Variants in EGFL6 observed in about 807,000 individuals in gnomAD.
EGFL6 encodes epidermal growth factor-like protein 6.
Under a neutral mutation model 43.1 loss-of-function variants are expected in EGFL6, and 42 were observed. The ratio of observed to expected loss-of-function variants is 0.98; its 90% CI spans 0.76 to 1.26. The LOEUF (loss-of-function observed/expected upper bound fraction) is 1.26, where lower values mean the gene tolerates loss of function less well. EGFL6 is among the 50% of genes most tolerant of loss of function. The pLI, the probability that EGFL6 is intolerant of heterozygous loss-of-function variation, is 0.00. For missense variants in EGFL6, 429 were observed against 427.8 expected, an observed-to-expected ratio of 1.00 and a Z score of -0.02; for synonymous variants, 164 against 163.2, an observed-to-expected ratio of 1.01 and a Z score of -0.04.
At position 13,619,238 on chromosome X, in the gene EGFL6, A is replaced by T. The variant is rs770047447; in HGVS notation, c.1178A>T (p.His393Leu). Residue 393 changes from histidine to leucine, a missense_variant, in exon 9 of 12, where the codon CAT becomes CTT. Transcript: ENST00000361306. The stretch of plus-strand genomic sequence containing the variant: ...AAAGCGCTAACTTCCAAACTGGAAC[A>T]TAAAGGTAAATAATTCTTTCTCCCA... ...QRKALTSKLE[H>L]KDLNISVDCS... 8.3e-7 allele frequency: 1 copy of T among 1,203,058 alleles called. No homozygotes were observed. Among genetic ancestry groups the T allele is most frequent in the South Asian group, 1.8e-5 (1 of 56,748 alleles).
chrX:13,593,589 A>C (rs184425511), intron 2 of EGFL6, among the ~76,000 whole-genome samples: 205 of 111,818 alleles, frequency 1.8e-3, no homozygotes, highest in Non-Finnish European at 3.0e-3. Flanking sequence ...CTCCTGCATC[A>C]GTGAGGCACT....
chrX:13,581,561 G>A (rs748022359), intron 1 of EGFL6, among the ~76,000 whole-genome samples: 10 of 111,603 alleles, frequency 9.0e-5, no homozygotes, highest in South Asian at 3.7e-4. Context: ...TTTAAACATC[G>A]GCAAAAGAAG....
At chrX:13,627,358 G>A in intron 11 of EGFL6, 82 bp downstream of exon 11, 1 of 1,099,924 alleles carries the variant, frequency 9.1e-7, no homozygotes, top group South Asian at 2.1e-5. Flanking sequence ...ATTTACTGAA[G>A]TATGTAGGCA....
chrX:13,581,422 A>G (rs2045505216), intron 1 of EGFL6, among the ~76,000 whole-genome samples: 1 of 111,230 alleles, frequency 9.0e-6, no homozygotes, highest in African/African-American at 3.3e-5. Context: ...TGAACTTGCC[A>G]TACTGGGAGC....
intron 4 of EGFL6, among the ~76,000 whole-genome samples, chrX:13,602,921 G>A (rs1274610496): frequency 1.8e-5 from 2 of 112,217 alleles, no homozygotes; most frequent in Non-Finnish European, 3.8e-5. Flanking sequence ...GCTCTCCAGA[G>A]TAGATTCTTT....
At chrX:13,630,326 C>T (rs1217393581) in intron 11 of EGFL6, among the ~76,000 whole-genome samples, 1 of 111,609 alleles carries the variant, frequency 9.0e-6, no homozygotes, top group African/African-American at 3.3e-5. Flanking sequence ...GTGAAAAACA[C>T]AAAATTAGTA....
intron 11 of EGFL6, among the ~76,000 whole-genome samples, chrX:13,632,564 A>T (rs758281121): frequency 1.5e-4 from 16 of 110,237 alleles, no homozygotes; most frequent in South Asian, 1.2e-3. Context: ...TCGGCCTCCC[A>T]AAGTGCTGGG....
At chrX:13,601,217 C>T (rs2045632508) in intron 4 of EGFL6, among the ~76,000 whole-genome samples, 1 of 111,432 alleles carries the variant, frequency 9.0e-6, no homozygotes, top group Non-Finnish European at 1.9e-5. Flanking sequence ...TTCTTCCCAC[C>T]AGCTAACTTT....
intron 1 of EGFL6, among the ~76,000 whole-genome samples, chrX:13,579,038 G>GT (rs141592321): frequency 9.0e-6 from 1 of 111,417 alleles, no homozygotes; most frequent in Non-Finnish European, 1.9e-5. Flanking sequence ...GGGGCTTGGG[G>GT]TTTTTTTAAG....
rs1176634211 is a variant in EGFL6 at position 13,627,126 on chromosome X, T to C, written c.1401T>C (p.Asp467=). Residue 467 remains aspartate (D), a synonymous_variant, in exon 11 of 12, where the codon GAT becomes GAC. Transcript: ENST00000361306. ...QPQSNFCLLF[D]YRLAGDKVGK... ...AAAGCAACTTCTGTTTGCTCTTTGA[T>C]TACCGGCTGGCCGGAGACAAAGTCG... 3 of 1,210,698 alleles carry C rather than the reference T, an allele frequency of 2.5e-6. No homozygotes were observed. The highest frequency in any genetic ancestry group is 4.4e-5 in the Admixed American group (2 of 45,830).
At chrX:13,585,982 A>G (rs144182510) in intron 1 of EGFL6, among the ~76,000 whole-genome samples, 75 of 112,183 alleles carry the variant, frequency 6.7e-4, no homozygotes, top group African/African-American at 2.2e-3. Flanking sequence ...CTGTTTATCT[A>G]TGTGGAAGGG....
At chrX:13,616,748 A>G (rs2045720172) in intron 7 of EGFL6, among the ~76,000 whole-genome samples, 1 of 112,805 alleles carries the variant, frequency 8.9e-6, no homozygotes, top group African/African-American at 3.2e-5. Context: ...ACAAGACAAG[A>G]GTCCTGGACT....
rs774115029 is a variant in EGFL6, at chrX:13,569,943, TCTGA to T, written c.74+12_74+15del. 234 of 1,208,316 alleles carry T rather than the reference TCTGA, an allele frequency of 1.9e-4. No individual in the cohort carries two copies. The East Asian group carries it at 2.8e-3, about 15-fold the overall frequency. On this transcript the variant is annotated intron_variant, in intron 1 of 11. Transcript: ENST00000361306. ...TTTCGGGAACGCGGCCAGGTGAGTGTCTGACTGGCGATTGGCTTCCCCCCACCCC... is the reference window on the plus strand; with the variant it reads ...TTTCGGGAACGCGGCCAGGTGAGTGTCTGGCGATTGGCTTCCCCCCACCCC...
At chrX:13,631,815 T>A (rs1283610099) in intron 11 of EGFL6, among the ~76,000 whole-genome samples, 1 of 111,254 alleles carries the variant, frequency 9.0e-6, no homozygotes, top group Non-Finnish European at 1.9e-5. Flanking sequence ...TATAAATAAA[T>A]AAAACAAAAT....
chrX:13,605,529 A>G (rs1297367309), intron 5 of EGFL6, among the ~76,000 whole-genome samples: 1 of 106,282 alleles, frequency 9.4e-6, no homozygotes, highest in African/African-American at 3.4e-5. Flanking sequence ...GTAGTGAGCC[A>G]TGATTGTTCT....
At chrX:13,629,561 T>C (rs764602681) in intron 11 of EGFL6, among the ~76,000 whole-genome samples, 4 of 111,499 alleles carry the variant, frequency 3.6e-5, no homozygotes, top group Non-Finnish European at 7.5e-5. Context: ...AGGGGAAATC[T>C]TGATGGGGGG....
intron 5 of EGFL6, among the ~76,000 whole-genome samples, chrX:13,605,401 C>T (rs1204768607): frequency 9.3e-6 from 1 of 107,450 alleles, no homozygotes; most frequent in African/African-American, 3.4e-5. Flanking sequence ...AGGGAGACCC[C>T]ATTTCTACAA....
chrX:13,590,783 C>A (rs1375473506), intron 2 of EGFL6, among the ~76,000 whole-genome samples: 1 of 111,995 alleles, frequency 8.9e-6, no homozygotes, highest in Non-Finnish European at 1.9e-5. Flanking sequence ...GACAAGATGA[C>A]AAGAGCATAA....
At chrX:13,577,306 A>AAT in intron 1 of EGFL6, among the ~76,000 whole-genome samples, 1 of 10,976 alleles carries the variant, frequency 9.1e-5, no homozygotes, top group Non-Finnish European at 2.0e-4. Flanking sequence ...TTTTATATAT[A>AAT]TATATATATA....
Sources: gnomAD v4.1 joint callset for allele counts (sites outside exome capture counted in the v4.1 genomes callset) on GRCh38, gnomAD v4.1.1 for gene constraint, MANE v1.5 for transcripts, NCBI Gene and HGNC (gene_info 2026-07-23, HGNC 2026-07-21) for gene names.